Variants in TUBB8B observed in about 807,000 individuals in gnomAD.
TUBB8B encodes the protein tubulin beta 8B.
A neutral mutation model predicts 31.9 loss-of-function variants in TUBB8B; 26 were observed. The ratio of observed to expected loss-of-function variants is 0.81; its 90% CI spans 0.60 to 1.13. The LOEUF (loss-of-function observed/expected upper bound fraction) is 1.13. Ranked by LOEUF, TUBB8B falls within the 50% of genes most tolerant of loss-of-function variation. The pLI, the probability that TUBB8B is intolerant of heterozygous loss-of-function variation, is 0.00. For synonymous variants in TUBB8B, 173 were observed against 231.0 expected, an observed-to-expected ratio of 0.75 and a Z score of 2.28; for missense variants, 467 against 586.7, an observed-to-expected ratio of 0.80 and a Z score of 2.11.
At chr18:58,781 C>G in the TUBB8B span, among the ~76,000 whole-genome samples, 5 of 151,588 alleles carry the variant, frequency 3.3e-5, no homozygotes, top group African/African-American at 1.2e-4. Flanking sequence ...AGCTTTTTTC[C>G]CATCACTATA....
chr18:71,438 T>TA, the TUBB8B span, among the ~76,000 whole-genome samples: 2 of 151,476 alleles, frequency 1.3e-5, no homozygotes, highest in Non-Finnish European at 2.9e-5. Flanking sequence ...TCCCAGCTAC[T>TA]CAGGAGGCTG....
At chr18:67,242 C>T in the TUBB8B span, among the ~76,000 whole-genome samples, 9,295 of 107,476 alleles carry the variant, frequency 0.086, no homozygotes, top group African/African-American at 0.19. Flanking sequence ...TGGATCCACC[C>T]GCCTTGGCCT....
rs1237239936 is a variant in TUBB8B, at chr18:48,879, C to T, written c.277+61G>A. 10 of 1,192,588 alleles carry T rather than the reference C, an allele frequency of 8.4e-6. 1 individual carries two copies. Among genetic ancestry groups the T allele is most frequent in the East Asian group, 4.7e-5 (2 of 42,452 alleles). 73.9% of individuals were successfully genotyped at this position (1,192,588 alleles called of 1,614,324 possible). On this transcript the variant is annotated intron_variant, in intron 3 of 3. Transcript: ENST00000308911. The stretch of plus-strand genomic sequence containing the variant: ...AGTTCCCACAGGATGACCTTGGGCA[C>T]TCCTGGATTTTGAGCTGCCCTGGCT...
rs774454690 is a variant in TUBB8B at position 49,090 on chromosome 18, G to A, written c.166+39C>T. The A allele has an allele frequency of 6.1e-5, 94 of 1,537,536 alleles. 1 individual carries two copies. The highest frequency in any genetic ancestry group is 8.1e-5 in the Non-Finnish European group (91 of 1,117,072). On this transcript the variant is annotated intron_variant, in intron 2 of 3. Coordinates refer to ENST00000308911, the MANE Select transcript of TUBB8B (RefSeq NM_001358689.2). ...AGGGCATGAGCGAGGGGAGGGCCGC[G>A]TTCCCAGGAGGGCGGTGGGAGAAGG... is the stretch of plus-strand genomic sequence containing the variant.
intron 3 of TUBB8B, 59 bp downstream of exon 3, chr18:48,881 C>G: frequency 2.5e-6 from 3 of 1,222,472 alleles, no homozygotes; most frequent in Middle Eastern, 1.9e-4. Flanking sequence ...CTTGGGCACT[C>G]CTGGATTTTG....
upstream of TUBB8B, among the ~76,000 whole-genome samples, chr18:52,701 C>T (rs1310784366): frequency 4.6e-5 from 7 of 151,992 alleles, 1 homozygote; most frequent in Admixed American, 2.0e-4. Context: ...AAAGAGGGTC[C>T]TGATACAGAC....
the TUBB8B span, among the ~76,000 whole-genome samples, chr18:59,145 G>A: frequency 4.6e-5 from 7 of 151,860 alleles, no homozygotes; most frequent in South Asian, 1.5e-3. Flanking sequence ...ATTACATTTG[G>A]GAGGGGACAC....
chr18:72,907 C>A, the TUBB8B span, among the ~76,000 whole-genome samples: 1 of 152,104 alleles, frequency 6.6e-6, no homozygotes, highest in African/African-American at 2.4e-5. Flanking sequence ...GCGGAGGTTG[C>A]AGTGAGCCGA....
the TUBB8B span, among the ~76,000 whole-genome samples, chr18:65,696 A>T: frequency 2.6e-5 from 4 of 152,184 alleles, no homozygotes; most frequent in Admixed American, 6.5e-5. Flanking sequence ...GGGAAGTTCC[A>T]TCCACAACAA....
chr18:53,877 A>G (rs1906201021), upstream of TUBB8B, among the ~76,000 whole-genome samples: 2 of 151,906 alleles, frequency 1.3e-5, no homozygotes, highest in African/African-American at 4.8e-5. Context: ...AAACTCTAGA[A>G]CACATGTGAT....
At chr18:63,816 A>AC in the TUBB8B span, among the ~76,000 whole-genome samples, 1 of 141,736 alleles carries the variant, frequency 7.1e-6, no homozygotes, top group Non-Finnish European at 1.5e-5. Context: ...CTAACCCCTA[A>AC]CCCTAACCCT....
At chr18:59,107 T>G in the TUBB8B span, among the ~76,000 whole-genome samples, 1 of 151,864 alleles carries the variant, frequency 6.6e-6, no homozygotes, top group Non-Finnish European at 1.5e-5. Flanking sequence ...TAAATCACCT[T>G]TCACCTGGCC....
At chr18:60,259 T>G in the TUBB8B span, among the ~76,000 whole-genome samples, 1 of 151,870 alleles carries the variant, frequency 6.6e-6, no homozygotes, top group Non-Finnish European at 1.5e-5. Flanking sequence ...TTTTCTAATT[T>G]GTTGGCATAC....
the TUBB8B span, among the ~76,000 whole-genome samples, chr18:60,953 A>C: frequency 6.6e-6 from 1 of 151,680 alleles, no homozygotes; most frequent in Non-Finnish European, 1.5e-5. Context: ...AATTTTCTGT[A>C]AATATCTATT....
upstream of TUBB8B, among the ~76,000 whole-genome samples, chr18:51,323 T>C (rs1470129178): frequency 6.6e-6 from 1 of 151,844 alleles, no homozygotes; most frequent in Non-Finnish European, 1.5e-5. Context: ...GAATTATAGC[T>C]CCTATAATTC....
chr18:47,747 C>T lies in TUBB8B; in HGVS notation c.978G>A (p.Val326=). 1 of 1,611,094 alleles carries T rather than the reference C, an allele frequency of 6.2e-7. No homozygotes were observed. The highest frequency in any genetic ancestry group is 1.3e-5 in the African/African-American group (1 of 75,002). The part of the protein sequence containing the change: ...IFRGRMPMRE[V]DEQMFNIQDK... Reference sequence around the variant, plus strand: ...CTTGAATGTTGAACATTTGTTCATCCACCTCCCTCATGGGCATGCGACCCC... The same window carrying T: ...CTTGAATGTTGAACATTTGTTCATCTACCTCCCTCATGGGCATGCGACCCC... Residue 326 remains valine (V), a synonymous_variant, in exon 4 of 4, where the codon GTG becomes GTA. Coordinates refer to ENST00000308911, the MANE Select transcript of TUBB8B (RefSeq NM_001358689.2).
chr18:65,944 C>G, the TUBB8B span, among the ~76,000 whole-genome samples: 721 of 152,224 alleles, frequency 4.7e-3, 8 homozygotes, highest in African/African-American at 0.016. Flanking sequence ...GAAAACCATT[C>G]CAGACGGGGG....
Position 47,847 on chromosome 18 carries a change from A to G in TUBB8B, c.878T>C (p.Met293Thr), listed in dbSNP as rs572006507. The G allele has an allele frequency of 2.4e-4, 389 of 1,611,410 alleles. 1 individual carries two copies. Among genetic ancestry groups the G allele is most frequent in the Non-Finnish European group, 2.3e-4 (274 of 1,179,508 alleles). Residue 293 changes from methionine to threonine, a missense_variant, in exon 4 of 4, where the codon ATG becomes ACG. Around this residue, in one of 2 missense-constraint regions of TUBB8B, gnomAD observed 208 missense variants for 206.7 expected, o/e 1.01. Transcript: ENST00000308911. The part of the protein sequence containing the change: ...ALTVAELTQQ[M>T]FDAKNMMAAC... ...AGCCATCATGTTCTTAGCATCAAAC[A>G]TCTGCTGGGTGAGCTCAGCCACAGT...
the TUBB8B span, among the ~76,000 whole-genome samples, chr18:70,570 G>A: frequency 1.3e-5 from 2 of 152,202 alleles, no homozygotes. Context: ...AGGAAGGGGA[G>A]GTTGCAGTGA....
Sources: gnomAD v4.1 joint callset for allele counts (sites outside exome capture counted in the v4.1 genomes callset) on GRCh38, gnomAD v4.1.1 for gene constraint, gnomAD v4.1.1 regional missense constraint, MANE v1.5 for transcripts, NCBI Gene and HGNC (gene_info 2026-07-23, HGNC 2026-07-21) for gene names.